HECW1: variants seen among roughly 807,000 people sequenced by gnomAD.
HECW1 encodes HECT, C2 and WW domain containing E3 ubiquitin protein ligase 1.
In HECW1, 61 loss-of-function variants were observed where a neutral mutation model predicts 182.3. That is an observed-to-expected ratio of 0.33 (90% CI 0.27 to 0.41). The LOEUF is 0.41. Ranked by LOEUF, HECW1 falls within the 10% of genes least tolerant of loss-of-function variation. HECW1 has a pLI of 1.00. For missense variants in HECW1, 1,739 were observed against 2,108.9 expected (o/e 0.82, Z 3.44); for synonymous variants, 859 against 832.6 (o/e 1.03, Z -0.55).
At position 43,278,471 on chromosome 7, in the gene HECW1, A is replaced by G. The variant is rs111294398; in HGVS notation, c.28-33292A>G. Among the ~76,000 whole-genome samples, 486 of 152,110 alleles carry G rather than the reference A, an allele frequency of 3.2e-3. 2 individuals are homozygous for G. The highest frequency in any genetic ancestry group is 0.011 in the African/African-American group (454 of 41,512). On this transcript the variant is annotated intron_variant, in intron 3 of 29. Transcript: ENST00000395891. ...CCACCTGCTCCTCCTGTTCCCACCC[A>G]TGCGGCCCGTTCTCATCACAGACCC...
chr7:43,425,924 A>G (rs1030621063), intron 8 of HECW1, among the ~76,000 whole-genome samples: 3 of 152,072 alleles, frequency 2.0e-5, no homozygotes, highest in Non-Finnish European at 4.4e-5. Flanking sequence ...GACATATATT[A>G]TTTTGTCCCT....
At position 43,541,204 on chromosome 7, in the gene HECW1, A is replaced by G. The variant is rs751675934; in HGVS notation, c.4061A>G (p.His1354Arg). 2 of 1,614,218 alleles carry G rather than the reference A, an allele frequency of 1.2e-6. No individual in the cohort carries two copies. The highest frequency in any genetic ancestry group is 8.5e-7 in the Non-Finnish European group (1 of 1,180,044). Residue 1354 changes from histidine (H) to arginine (R), a missense_variant, in exon 25 of 30, where the codon CAT becomes CGT. His to Arg is a conservative substitution (Grantham distance 29). Coordinates refer to ENST00000395891, the MANE Select transcript of HECW1 (RefSeq NM_015052.5). ...CGCATCCTGGGTCTGGCTCTGATCC[A>G]TCAGTACCTTCTTGACGCTTTCTTC... ...SGRILGLALI[H>R]QYLLDAFFTR...
At chr7:43,357,930 G>C (rs967134271) in intron 5 of HECW1, among the ~76,000 whole-genome samples, 5 of 152,132 alleles carry the variant, frequency 3.3e-5, no homozygotes, top group African/African-American at 4.8e-5. Flanking sequence ...ACAAAGAAGA[G>C]TACAGAGTTT....
intron 8 of HECW1, among the ~76,000 whole-genome samples, chr7:43,428,081 G>T (rs1196321480): frequency 6.6e-6 from 1 of 152,178 alleles, no homozygotes; most frequent in Non-Finnish European, 1.5e-5. Context: ...TACACAGGGG[G>T]CAGGAATCTT....
chr7:43,134,358 C>T (rs1477220743), intron 2 of HECW1, among the ~76,000 whole-genome samples: 1 of 131,240 alleles, frequency 7.6e-6, no homozygotes, highest in African/African-American at 2.9e-5. Flanking sequence ...TGCACCATTG[C>T]ACTCCAGTGT....
At chr7:43,127,686 T>C (rs1194750222) in intron 2 of HECW1, among the ~76,000 whole-genome samples, 1 of 152,172 alleles carries the variant, frequency 6.6e-6, no homozygotes. Flanking sequence ...CTATGAAGGC[T>C]GAGAGACATG....
At chr7:43,298,254 A>G (rs1163521342) in intron 3 of HECW1, among the ~76,000 whole-genome samples, 1 of 151,922 alleles carries the variant, frequency 6.6e-6, no homozygotes, top group East Asian at 1.9e-4. Context: ...GGTATGGAAA[A>G]CTCCATAGAA....
intron 3 of HECW1, among the ~76,000 whole-genome samples, chr7:43,277,041 T>G (rs1803244716): frequency 6.6e-6 from 1 of 152,244 alleles, no homozygotes; most frequent in Admixed American, 6.5e-5. Flanking sequence ...TTCAGGATGC[T>G]CAGGGCTCTT....
chr7:43,551,018 A>G (rs118147612), intron 27 of HECW1, among the ~76,000 whole-genome samples: 1 of 152,142 alleles, frequency 6.6e-6, no homozygotes, highest in African/African-American at 2.4e-5. Context: ...GTGCCACGTA[A>G]TCTATGCTGA....
chr7:43,514,878 G>A (rs2080068374), intron 24 of HECW1, among the ~76,000 whole-genome samples: 1 of 152,150 alleles, frequency 6.6e-6, no homozygotes, highest in Non-Finnish European at 1.5e-5. Flanking sequence ...AAAATGAGGT[G>A]CAGACATAAA....
At chr7:43,440,969 C>A (rs2076869200) in intron 9 of HECW1, among the ~76,000 whole-genome samples, 2 of 152,094 alleles carry the variant, frequency 1.3e-5, no homozygotes, top group South Asian at 4.2e-4. Context: ...AGTGATTTAT[C>A]TTTTTATTTT....
intron 2 of HECW1, among the ~76,000 whole-genome samples, chr7:43,166,165 C>T (rs927459495): frequency 2.6e-5 from 4 of 152,170 alleles, no homozygotes; most frequent in Non-Finnish European, 5.9e-5. Context: ...CTCACTGCAA[C>T]CTCTGCCTCC....
chr7:43,157,911 C>T (rs555703921), intron 2 of HECW1, among the ~76,000 whole-genome samples: 3 of 152,324 alleles, frequency 2.0e-5, no homozygotes, highest in African/African-American at 7.2e-5. Flanking sequence ...AAATGTAGAG[C>T]ACAGATTTTG....
chr7:43,474,798 G>C (rs183115109), intron 16 of HECW1, among the ~76,000 whole-genome samples: 4 of 152,278 alleles, frequency 2.6e-5, no homozygotes, highest in Admixed American at 2.6e-4. Context: ...TGAAATGTTT[G>C]TCCTTACAAA....
At chr7:43,239,908 T>G (rs1798711661) in intron 2 of HECW1, 1 of 152,176 alleles carries the variant, frequency 6.6e-6, no homozygotes, top group South Asian at 2.1e-4. Context: ...AAAGAGAACC[T>G]TACCCGAACC....
intron 8 of HECW1, among the ~76,000 whole-genome samples, chr7:43,411,736 G>T (rs898263726): frequency 1.1e-4 from 17 of 152,064 alleles, no homozygotes; most frequent in Non-Finnish European, 1.9e-4. Context: ...TTTTGGTAGT[G>T]CTCCTTGTCT....
intron 3 of HECW1, among the ~76,000 whole-genome samples, chr7:43,295,225 T>C (rs1805890996): frequency 1.3e-5 from 2 of 152,258 alleles, no homozygotes; most frequent in Admixed American, 6.5e-5. Context: ...ACAAGGAATT[T>C]CCTTTTGTGA....
intron 3 of HECW1, among the ~76,000 whole-genome samples, chr7:43,308,191 ATATT>A (rs1192578468): frequency 1.0e-5 from 1 of 99,910 alleles, no homozygotes; most frequent in Non-Finnish European, 1.8e-5. Flanking sequence ...ATATTATAAT[ATATT>A]TATATATATT....
chr7:43,351,590 A>G (rs754649931), intron 5 of HECW1, among the ~76,000 whole-genome samples: 3 of 150,904 alleles, frequency 2.0e-5, no homozygotes, highest in Admixed American at 6.6e-5. Context: ...TCTACTTGTT[A>G]TGGAACATAT....
Sources: allele counts gnomAD v4.1 joint callset (sites outside exome capture counted in the v4.1 genomes callset), GRCh38; gene constraint gnomAD v4.1.1; transcripts MANE v1.5; gene names NCBI Gene and HGNC (gene_info 2026-07-23, HGNC 2026-07-21).